GALNT15: variants seen among roughly 807,000 people sequenced by gnomAD.
GALNT15 encodes the protein polypeptide N-acetylgalactosaminyltransferase 15.
GALNT15 carries 67 observed loss-of-function variants against 66.8 expected under a neutral mutation model. That is an observed-to-expected ratio of 1.00 (90% CI 0.82 to 1.23). The LOEUF (loss-of-function observed/expected upper bound fraction) is 1.23. Ranked by LOEUF, GALNT15 falls within the 50% of genes most tolerant of loss-of-function variation. GALNT15 has a pLI of 0.00. For synonymous variants in GALNT15, 313 were observed against 311.5 expected, an observed-to-expected ratio of 1.00 and a Z score of -0.05; for missense variants, 827 against 804.3, an observed-to-expected ratio of 1.03 and a Z score of -0.34.
chr3:16,218,810 C>T (rs1219806817), intron 6 of GALNT15, among the ~76,000 whole-genome samples: 209 of 92,950 alleles, frequency 2.2e-3, no homozygotes, highest in African/African-American at 7.9e-3. Flanking sequence ...CTCTCTCTCT[C>T]TTTTTTTTTT....
In GALNT15 at chr3:16,227,641, A is replaced by G; in HGVS notation, c.*141A>G. The stretch of plus-strand genomic sequence containing the variant: ...AGGAGAGAAAAAAGCTCTATGAAAG[A>G]ATATAGGAAGTTTCTCCTTTTCACA... On this transcript the variant is annotated 3_prime_UTR_variant, in exon 10 of 10. Coordinates refer to ENST00000339732, the MANE Select transcript of GALNT15 (RefSeq NM_054110.5). This position sits in a 1 kb window ranked among gnomAD's most constrained non-coding sequence, Gnocchi z 4.5. 6.7e-7 allele frequency: 1 copy of G among 1,495,552 alleles called. No homozygotes were observed. The highest frequency in any genetic ancestry group is 8.8e-7 in the Non-Finnish European group (1 of 1,133,566). The allele number at this position is 1,495,552 out of a possible 1,614,324, so 92.6% of individuals were successfully genotyped here.
chr3:16,200,595 T>G lies in GALNT15; in HGVS notation c.707-24T>G. Reference sequence around the variant, plus strand: ...TCGGTTGTGGCATTTGTCATTCCACTGACCACAACCCTGTTGATTCCAGGA... The same window carrying G: ...TCGGTTGTGGCATTTGTCATTCCACGGACCACAACCCTGTTGATTCCAGGA... On this transcript the variant is annotated intron_variant, in intron 2 of 9. Transcript: ENST00000339732. The surrounding 1 kb of genome is among the most constrained non-coding windows in gnomAD (Gnocchi z 4.4). 6.8e-7 allele frequency: 1 copy of G among 1,475,458 alleles called. No individual in the cohort carries two copies. Among genetic ancestry groups the G allele is most frequent in the Non-Finnish European group, 9.0e-7 (1 of 1,108,722 alleles). The allele number at this position is 1,475,458 out of a possible 1,614,324, so 91.4% of individuals were successfully genotyped here.
At chr3:16,202,145 C>G (rs996662474) in intron 3 of GALNT15, among the ~76,000 whole-genome samples, 1 of 152,200 alleles carries the variant, frequency 6.6e-6, no homozygotes, top group Admixed American at 6.5e-5. Flanking sequence ...TGGTTTCAAA[C>G]GTTCAAATGA....
chr3:16,221,253 G>GTTTT (rs1425983053), intron 8 of GALNT15, among the ~76,000 whole-genome samples: 1 of 81,708 alleles, frequency 1.2e-5, no homozygotes, highest in African/African-American at 5.8e-5. Context: ...GCTCTTTCTT[G>GTTTT]TTCTTTTTTT....
Position 16,219,742 on chromosome 3 carries a change from G to T in GALNT15, c.1525-168G>T, listed in dbSNP as rs1038867547. On this transcript the variant is annotated intron_variant, in intron 7 of 9. Coordinates refer to ENST00000339732, the MANE Select transcript of GALNT15 (RefSeq NM_054110.5). The surrounding 1 kb of genome is among the most constrained non-coding windows in gnomAD (Gnocchi z 4.3). The stretch of plus-strand genomic sequence containing the variant: ...CACCCCAAAGCACCTCCTTCAAGAG[G>T]CCTGTCCCTTAGGGTCAGTGGCTTC... Among the ~76,000 whole-genome samples, 1 of 152,220 alleles carries T rather than the reference G, an allele frequency of 6.6e-6. No homozygotes were observed.
At chr3:16,235,426 C>A (rs1055036549), downstream of GALNT15, among the ~76,000 whole-genome samples, 1 of 152,078 alleles carries the variant, frequency 6.6e-6, no homozygotes, top group Non-Finnish European at 1.5e-5. Context: ...CTGATACATA[C>A]CAGTGTTAGA....
chr3:16,196,286 A>T (rs2063636879), intron 2 of GALNT15, among the ~76,000 whole-genome samples: 1 of 152,068 alleles, frequency 6.6e-6, no homozygotes, highest in Non-Finnish European at 1.5e-5. Flanking sequence ...CCCTGTTGTG[A>T]GTGCTCACTG....
At position 16,229,732 on chromosome 3, in the gene GALNT15, C is replaced by T. The variant is rs2064064235; in HGVS notation, c.*2232C>T. ...TAAATTAATATAATTAAATAAAAGA[C>T]TGAATTTAATTGCATAAATTGTATT... is the stretch of plus-strand genomic sequence containing the variant. On this transcript the variant is annotated 3_prime_UTR_variant, in exon 10 of 10. Transcript: ENST00000339732. The T allele has an allele frequency of 2.0e-6, 2 of 978,178 alleles. No homozygotes were observed. The highest frequency in any genetic ancestry group is 6.1e-5 in the Admixed American group (1 of 16,262). 60.6% of individuals were successfully genotyped at this position (978,178 alleles called of 1,614,324 possible).
chr3:16,198,742 C>A (rs1347941720), intron 2 of GALNT15, among the ~76,000 whole-genome samples: 1 of 142,204 alleles, frequency 7.0e-6, no homozygotes, highest in African/African-American at 2.6e-5. Context: ...GGACTCCTTT[C>A]CTCTACTGCT....
Position 16,195,734 on chromosome 3 carries a change from T to C in GALNT15, c.540-26T>C, listed in dbSNP as rs536093389. On this transcript the variant is annotated intron_variant, in intron 1 of 9. Transcript: ENST00000339732. The surrounding 1 kb of genome is among the most constrained non-coding windows in gnomAD (Gnocchi z 4.6). ...GTTTCTTGTGGCCTTCTCTTCCCCA[T>C]GGCTCTCTGGCTCTCTTCCCTGCAG... 1 of 1,596,276 alleles carries C rather than the reference T, an allele frequency of 6.3e-7. No homozygotes were observed. Among genetic ancestry groups the C allele is most frequent in the Non-Finnish European group, 8.6e-7 (1 of 1,167,732 alleles).
At position 16,187,811 on chromosome 3, in the gene GALNT15, AAGCAC is replaced by A. The variant is rs2063533190; in HGVS notation, c.540-7943_540-7939del. Among the ~76,000 whole-genome samples, 1 of 152,348 alleles carries A rather than the reference AAGCAC, an allele frequency of 6.6e-6. No individual in the cohort carries two copies. Among genetic ancestry groups the A allele is most frequent in the African/African-American group, 2.4e-5 (1 of 41,588 alleles). ...ATTCTTGTAATAATTCATGCTGCTAAAGCACAGCACCTGGTACATAGGACTCCTCA... is the reference window on the plus strand; with the variant it reads ...ATTCTTGTAATAATTCATGCTGCTAAAGCACCTGGTACATAGGACTCCTCA... On this transcript the variant is annotated intron_variant, in intron 1 of 9. Coordinates refer to ENST00000339732, the MANE Select transcript of GALNT15 (RefSeq NM_054110.5). The surrounding 1 kb of genome is among the most constrained non-coding windows in gnomAD (Gnocchi z 5.1).
At chr3:16,206,688 A>AG (rs1193124105) in intron 3 of GALNT15, among the ~76,000 whole-genome samples, 108 of 151,158 alleles carry the variant, frequency 7.1e-4, no homozygotes, top group African/African-American at 2.6e-3. Context: ...AAAAAAAAAA[A>AG]AAAAAAAGAA....
intron 3 of GALNT15, among the ~76,000 whole-genome samples, chr3:16,202,619 C>G (rs2063715508): frequency 6.6e-6 from 1 of 152,238 alleles, no homozygotes. Flanking sequence ...GGCAACAGAG[C>G]AAGACTCCAT....
intron 1 of GALNT15, among the ~76,000 whole-genome samples, chr3:16,178,606 C>T (rs2063437651): frequency 1.3e-5 from 2 of 152,178 alleles, no homozygotes; most frequent in Non-Finnish European, 2.9e-5. Context: ...GCTCTGGCGC[C>T]TTCCCTTAAC....
Position 16,227,298 on chromosome 3 carries a change from T to C in GALNT15, c.1774-56T>C. On this transcript the variant is annotated intron_variant, in intron 9 of 9. Transcript: ENST00000339732. This position sits in a 1 kb window ranked among gnomAD's most constrained non-coding sequence, Gnocchi z 4.5. ...GCACAAATCTTAAAAATATTTTCTT[T>C]TGCTGACTGATTGTGGGGGACTGGT... 6.4e-7 allele frequency: 1 copy of C among 1,555,786 alleles called. No homozygotes were observed. The highest frequency in any genetic ancestry group is 8.7e-7 in the Non-Finnish European group (1 of 1,148,808).
At chr3:16,223,013 G>T (rs2063963770) in intron 9 of GALNT15, among the ~76,000 whole-genome samples, 1 of 152,110 alleles carries the variant, frequency 6.6e-6, no homozygotes, top group East Asian at 1.9e-4. Context: ...TGCAGAGAGA[G>T]GGATACACCT....
At position 16,224,604 on chromosome 3, in the gene GALNT15, A is replaced by G. The variant is rs1452492910; in HGVS notation, c.1773+1846A>G. ...ATATCTGTTTCATAACAATGTGAAT[A>G]TATTTAACACTATTGTAGTAGGCTA... On this transcript the variant is annotated intron_variant, in intron 9 of 9. Coordinates refer to ENST00000339732, the MANE Select transcript of GALNT15 (RefSeq NM_054110.5). This position sits in a 1 kb window ranked among gnomAD's most constrained non-coding sequence, Gnocchi z 5.2. Among the ~76,000 whole-genome samples, 2 of 150,664 alleles carry G rather than the reference A, an allele frequency of 1.3e-5. No homozygotes were observed. The highest frequency in any genetic ancestry group is 4.9e-5 in the African/African-American group (2 of 40,988).
At position 16,193,239 on chromosome 3, in the gene GALNT15, G is replaced by C. The variant is rs1272614845; in HGVS notation, c.540-2521G>C. 6.6e-6 allele frequency among the ~76,000 whole-genome samples: 1 copy of C among 152,118 alleles called. No homozygotes were observed. Among genetic ancestry groups the C allele is most frequent in the African/African-American group, 2.4e-5 (1 of 41,424 alleles). ...ATAAACATTTTACTTTGGCTACCAG[G>C]GATCTCAGAGTCAAATTTAAATTCA... On this transcript the variant is annotated intron_variant, in intron 1 of 9. Coordinates refer to ENST00000339732, the MANE Select transcript of GALNT15 (RefSeq NM_054110.5). This position sits in a 1 kb window ranked among gnomAD's most constrained non-coding sequence, Gnocchi z 4.7.
Position 16,224,162 on chromosome 3 carries a change from C to A in GALNT15, c.1773+1404C>A, listed in dbSNP as rs2063980753. On this transcript the variant is annotated intron_variant, in intron 9 of 9. Transcript: ENST00000339732. The surrounding 1 kb of genome is among the most constrained non-coding windows in gnomAD (Gnocchi z 5.2). ...GGAGTAAGATACACCCAGCATATTT[C>A]AGGCATTAATAAATAACTTCTAAAA... 6.6e-6 allele frequency among the ~76,000 whole-genome samples: 1 copy of A among 152,124 alleles called. No individual in the cohort carries two copies. The highest frequency in any genetic ancestry group is 2.4e-5 in the African/African-American group (1 of 41,422).
Sources: allele counts gnomAD v4.1 joint callset (sites outside exome capture counted in the v4.1 genomes callset), GRCh38; gene constraint gnomAD v4.1.1; non-coding constraint Gnocchi (gnomAD v3.1); transcripts MANE v1.5; gene names NCBI Gene and HGNC (gene_info 2026-07-23, HGNC 2026-07-21).